The following PHF21B variants were observed in gnomAD, a reference collection of about 807,000 sequenced individuals.
PHF21B encodes the protein PHD finger protein 4.
In PHF21B, 22 loss-of-function variants were observed where a neutral mutation model predicts 62.2. The observed-to-expected ratio is 0.35, with a 90% CI of 0.25 to 0.51. The LOEUF (loss-of-function observed/expected upper bound fraction) is 0.51. Ranked by LOEUF, PHF21B falls within the 20% of genes least tolerant of loss-of-function variation. The pLI is 0.97. For missense variants in PHF21B, 701 were observed against 707.9 expected (o/e 0.99, Z 0.11); for synonymous variants, 341 against 314.7 (o/e 1.08, Z -0.88).
intron 12 of PHF21B, among the ~76,000 whole-genome samples, chr22:44,884,618 C>G (rs569190883): frequency 1.3e-5 from 2 of 151,980 alleles, no homozygotes; most frequent in Admixed American, 1.3e-4. Flanking sequence ...CCATAATCAC[C>G]ACCATAATCA....
chr22:44,885,795 A>C, intron 11 of PHF21B, 68 bp downstream of exon 11: 1 of 1,490,266 alleles, frequency 6.7e-7, no homozygotes, highest in South Asian at 1.2e-5. Flanking sequence ...GGACCAGGTG[A>C]GCCCAGAGGC....
intron 2 of PHF21B, among the ~76,000 whole-genome samples, chr22:44,988,628 T>C (rs942939886): frequency 2.0e-5 from 3 of 152,206 alleles, no homozygotes; most frequent in African/African-American, 7.2e-5. Context: ...TGTCCTCTGC[T>C]AGAACCCAAG....
intron 2 of PHF21B, among the ~76,000 whole-genome samples, chr22:44,944,973 T>A (rs1052011625): frequency 5.3e-5 from 6 of 113,028 alleles, no homozygotes; most frequent in African/African-American, 1.8e-4. Flanking sequence ...ATTAGAGCGA[T>A]CCTTACCTCT....
intron 2 of PHF21B, among the ~76,000 whole-genome samples, chr22:44,988,421 C>T (rs1258633701): frequency 5.3e-5 from 8 of 151,960 alleles, no homozygotes; most frequent in South Asian, 2.1e-4. Flanking sequence ...AAGATCATGC[C>T]GCTGCACTCC....
chr22:45,007,521 G>C (rs932897649), intron 2 of PHF21B, among the ~76,000 whole-genome samples: 13 of 143,996 alleles, frequency 9.0e-5, no homozygotes, highest in Non-Finnish European at 1.8e-4. Context: ...AAGGAAACGC[G>C]ATCGATGGCC....
chr22:44,995,478 A>T (rs940555035), intron 2 of PHF21B, among the ~76,000 whole-genome samples: 13 of 152,124 alleles, frequency 8.5e-5, no homozygotes, highest in Non-Finnish European at 1.6e-4. Flanking sequence ...TAAATGAGAG[A>T]TAAGCACCCT....
chr22:44,975,585 T>C (rs2072722442), intron 2 of PHF21B, among the ~76,000 whole-genome samples: 1 of 152,232 alleles, frequency 6.6e-6, no homozygotes, highest in Middle Eastern at 3.2e-3. Flanking sequence ...TGCTGCGCAC[T>C]GTGGCATGAG....
intron 3 of PHF21B, 34 bp downstream of exon 3, chr22:44,920,364 C>T (rs768134933): frequency 2.0e-5 from 31 of 1,539,466 alleles, no homozygotes; most frequent in South Asian, 4.7e-5. Context: ...GACAGACAGA[C>T]GGACACCCCA....
chr22:44,900,445 C>T (rs948918136), intron 5 of PHF21B, among the ~76,000 whole-genome samples: 4 of 152,116 alleles, frequency 2.6e-5, no homozygotes, highest in African/African-American at 9.7e-5. Flanking sequence ...GGATTACAGG[C>T]ACCCGCCACC....
At chr22:44,920,628 A>T (rs1396775832) in intron 2 of PHF21B, 138 bp from the exon 3 acceptor site, 1 of 532,804 alleles carries the variant, frequency 1.9e-6, no homozygotes, top group Non-Finnish European at 3.4e-6. Flanking sequence ...TATGATTTTT[A>T]AAAAATCACA....
intron 5 of PHF21B, among the ~76,000 whole-genome samples, chr22:44,896,878 C>CTTTTTTTTT (rs1439624625): frequency 8.6e-4 from 32 of 37,262 alleles, no homozygotes; most frequent in South Asian, 2.3e-3. Flanking sequence ...TTAGTTTTAT[C>CTTTTTTTTT]TGTTTTTTTT....
intron 2 of PHF21B, among the ~76,000 whole-genome samples, chr22:44,938,649 A>G (rs965919363): frequency 6.6e-6 from 1 of 152,260 alleles, no homozygotes; most frequent in African/African-American, 2.4e-5. Flanking sequence ...TCTCAGGGGC[A>G]GCACTGATAG....
At chr22:44,993,350 G>A (rs761673304) in intron 2 of PHF21B, among the ~76,000 whole-genome samples, 12 of 152,162 alleles carry the variant, frequency 7.9e-5, no homozygotes, top group Non-Finnish European at 1.5e-4. Context: ...AAGGGGGATC[G>A]CAGGAGGCCT....
chr22:44,883,041 G>A lies in PHF21B; in HGVS notation c.*45C>T, dbSNP rs1392978017. 1.9e-6 allele frequency: 3 copies of A among 1,552,452 alleles called. No individual in the cohort carries two copies. The highest frequency in any genetic ancestry group is 3.7e-5 in the Admixed American group (2 of 54,010). On this transcript the variant is annotated 3_prime_UTR_variant, in exon 13 of 13. Transcript: ENST00000313237. ...ACAGAACCCCCAGGCTGTGTAAGCAGGGTCCCAATAACTTTCCGTGGGTAT... is the reference window on the plus strand; with the variant it reads ...ACAGAACCCCCAGGCTGTGTAAGCAAGGTCCCAATAACTTTCCGTGGGTAT...
intron 2 of PHF21B, among the ~76,000 whole-genome samples, chr22:44,999,457 C>A (rs909111836): frequency 6.6e-6 from 1 of 152,086 alleles, no homozygotes; most frequent in African/African-American, 2.4e-5. Flanking sequence ...CGGTGCTAAG[C>A]CAACAGCCAG....
chr22:44,986,456 T>G (rs1249555336), intron 2 of PHF21B, among the ~76,000 whole-genome samples: 1 of 144,548 alleles, frequency 6.9e-6, no homozygotes, highest in Non-Finnish European at 1.5e-5. Flanking sequence ...CATCCAGAGG[T>G]CCTTTCTTGA....
At chr22:44,929,225 T>C (rs1214715087) in intron 2 of PHF21B, among the ~76,000 whole-genome samples, 1 of 152,224 alleles carries the variant, frequency 6.6e-6, no homozygotes, top group African/African-American at 2.4e-5. Context: ...TGAAACCAGT[T>C]CATTATTCAC....
intron 2 of PHF21B, among the ~76,000 whole-genome samples, chr22:44,971,983 G>T (rs547719878): frequency 3.3e-5 from 5 of 152,248 alleles, no homozygotes; most frequent in East Asian, 1.9e-4. Flanking sequence ...GTTGCAGTTG[G>T]GGGGAGAGAT....
Sources: gnomAD v4.1 joint callset for allele counts (sites outside exome capture counted in the v4.1 genomes callset) on GRCh38, gnomAD v4.1.1 for gene constraint, MANE v1.5 for transcripts, NCBI Gene and HGNC (gene_info 2026-07-23, HGNC 2026-07-21) for gene names.